PLAUR: variants seen among roughly 807,000 people sequenced by gnomAD.
PLAUR encodes the protein urokinase plasminogen activator surface receptor.
Under a neutral mutation model 33.4 loss-of-function variants are expected in PLAUR, and 22 were observed. The ratio of observed to expected loss-of-function variants is 0.66; its 90% confidence interval spans 0.47 to 0.94. The LOEUF is 0.94. Ranked by LOEUF, PLAUR falls within the 40% of genes least tolerant of loss-of-function variation. The pLI, the probability that PLAUR is intolerant of heterozygous loss-of-function variation, is 0.00. For missense variants in PLAUR, 408 were observed against 434.7 expected (o/e 0.94, Z 0.55); for synonymous variants, 148 against 167.3 (o/e 0.88, Z 0.89).
intron 3 of PLAUR, 35 bp from the exon 4 acceptor site, chr19:43,656,675 T>G (rs759862817): frequency 6.5e-7 from 1 of 1,544,558 alleles, no homozygotes; most frequent in Non-Finnish European, 8.8e-7. Context: ...TGAGACTCCA[T>G]GGGGACAGTC....
Position 43,656,481 on chromosome 19 carries a change from T to C in PLAUR, c.470A>G (p.Glu157Gly), listed in dbSNP as rs1197291319. 1 of 1,585,854 alleles carries C rather than the reference T, an allele frequency of 6.3e-7. No homozygotes were observed. Among genetic ancestry groups the C allele is most frequent in the South Asian group, 1.1e-5 (1 of 88,176 alleles). Reference protein sequence around the residue: ...VVTHWIQEGEEGRPKDDRHLR... With the variant: ...VVTHWIQEGEGGRPKDDRHLR... ...GTTGCCAGCAGGTTGGGGCTCACCT[T>C]CTTCACCTTCCTGGATCCAGTGGGT... is the stretch of plus-strand genomic sequence containing the variant. Residue 157 changes from glutamate to glycine, a missense_variant and splice_region_variant, in exon 4 of 7, where the codon GAA (glutamate) becomes GGA (glycine). Transcript: ENST00000340093.
chr19:43,667,541 T>C, intron 2 of PLAUR, 40 bp downstream of exon 2: 1 of 1,381,890 alleles, frequency 7.2e-7, no homozygotes, highest in East Asian at 2.3e-5. Context: ...TCGCGTTCCA[T>C]GCTGCGCTGG....
chr19:43,649,315 G>T (rs1973894213), intron 6 of PLAUR, among the ~76,000 whole-genome samples, 172 bp from the exon 7 acceptor site: 1 of 152,068 alleles, frequency 6.6e-6, no homozygotes, highest in African/African-American at 2.4e-5. Flanking sequence ...AACACCTTGG[G>T]AAGCCAAGGA....
At position 43,648,950 on chromosome 19, in the gene PLAUR, G is replaced by T. The variant is rs1282842810; in HGVS notation, c.948C>A (p.Ser316Arg). ...CAGTCATTAGCAGGGTGATGGTGAG[G>T]CTGAGATGGGCAGGGCCAGGCTGAG... The part of the protein sequence containing the change: ...AAPQPGPAHL[S>R]LTITLLMTAR... The change falls in exon 7 of 7, where the codon AGC becomes AGA. Residue 316 changes from serine to arginine, a missense_variant. Ser to Arg is a moderately radical substitution (Grantham distance 110). Transcript: ENST00000340093. 6.2e-7 allele frequency: 1 copy of T among 1,614,154 alleles called. No individual in the cohort carries two copies. Among genetic ancestry groups the T allele is most frequent in the Admixed American group, 1.7e-5 (1 of 60,026 alleles).
intron 1 of PLAUR, among the ~76,000 whole-genome samples, chr19:43,668,744 G>T (rs542169432): frequency 2.1e-5 from 3 of 144,380 alleles, no homozygotes; most frequent in African/African-American, 7.8e-5. Context: ...CAAGAGTCTA[G>T]TCCCACCTTC....
chr19:43,657,132 C>T (rs1239124875), intron 3 of PLAUR, among the ~76,000 whole-genome samples: 1 of 151,956 alleles, frequency 6.6e-6, no homozygotes, highest in African/African-American at 2.4e-5. Flanking sequence ...TTAGTAGAGA[C>T]AGGGTTTCAC....
rs1356828878 is a variant in PLAUR at position 43,648,863 on chromosome 19, GC to G, written c.*26del. On this transcript the variant is annotated 3_prime_UTR_variant, in exon 7 of 7. Transcript: ENST00000340093. Reference sequence around the variant, plus strand: ...AGGGCAAAGGGGTCCCCCGGATCCAGCCAGGGCAGAGAGGGGGATTTCAGGT... The same window carrying G: ...AGGGCAAAGGGGTCCCCCGGATCCAGCAGGGCAGAGAGGGGGATTTCAGGT... 1.0e-5 allele frequency: 16 copies of G among 1,601,308 alleles called. No homozygotes were observed. The highest frequency in any genetic ancestry group is 1.4e-5 in the Non-Finnish European group (16 of 1,171,042).
intron 3 of PLAUR, among the ~76,000 whole-genome samples, chr19:43,658,642 C>G (rs1568558548): frequency 6.6e-6 from 1 of 152,142 alleles, no homozygotes; most frequent in Non-Finnish European, 1.5e-5. Flanking sequence ...TTGGCTCACA[C>G]CATTTCCCAT....
intron 3 of PLAUR, among the ~76,000 whole-genome samples, chr19:43,664,732 A>C (rs980535188): frequency 1.5e-4 from 23 of 152,162 alleles, no homozygotes; most frequent in Non-Finnish European, 2.6e-4. Context: ...TCCCTTAAGA[A>C]CGTCAAGTCT....
rs768969786 is a variant in PLAUR at position 43,670,082 on chromosome 19, GAGCAGCAGC to G, written c.30_38del (p.Leu11_Leu13del). On this transcript the variant is annotated inframe_deletion, in exon 1 of 7. Coordinates refer to ENST00000340093, the MANE Select transcript of PLAUR (RefSeq NM_002659.4). ...AGCCCCTACCTGGGACGCAGGTGTG[GAGCAGCAGC>G]AGCAGCGGCAGCAGCGGCGGGTGAC... The G allele has an allele frequency of 3.7e-6, 6 of 1,613,060 alleles. No individual in the cohort carries two copies. Among genetic ancestry groups the G allele is most frequent in the South Asian group, 2.2e-5 (2 of 91,040 alleles).
chr19:43,657,254 A>C (rs1000802063), intron 3 of PLAUR, among the ~76,000 whole-genome samples: 6 of 151,966 alleles, frequency 3.9e-5, no homozygotes, highest in African/African-American at 1.5e-4. Context: ...CCTTAGAAGG[A>C]TATTTCTAAT....
chr19:43,666,531 T>C (rs994393102), intron 2 of PLAUR, among the ~76,000 whole-genome samples: 1 of 139,114 alleles, frequency 7.2e-6, no homozygotes, highest in African/African-American at 2.6e-5. Context: ...CTCCCTCCCT[T>C]CCTCTCTCTC....
intron 5 of PLAUR, 97 bp from the exon 6 acceptor site, chr19:43,652,468 G>T: frequency 8.3e-7 from 1 of 1,200,862 alleles, no homozygotes; most frequent in Non-Finnish European, 1.2e-6. Context: ...CCGAGCCAGA[G>T]ATGTCATGGA....
Position 43,667,639 on chromosome 19 carries a change from C to T in PLAUR, c.108G>A (p.Val36=), listed in dbSNP as rs1158515199. Residue 36 remains valine (V), a synonymous_variant, in exon 2 of 7, where the codon GTG becomes GTA. Coordinates refer to ENST00000340093, the MANE Select transcript of PLAUR (RefSeq NM_002659.4). ...MQCKTNGDCR[V]EECALGQDLC... is the part of the protein sequence containing the mutation. ...GGTCCTGTCCCAGGGCGCACTCTTC[C>T]ACACGGCAATCCCCGTTGGTCTTAC... 1 of 1,614,048 alleles carries T rather than the reference C, an allele frequency of 6.2e-7. No homozygotes were observed. The highest frequency in any genetic ancestry group is 8.5e-7 in the Non-Finnish European group (1 of 1,180,024).
intron 3 of PLAUR, among the ~76,000 whole-genome samples, chr19:43,661,831 C>T (rs971992284): frequency 6.6e-6 from 1 of 152,110 alleles, no homozygotes; most frequent in African/African-American, 2.4e-5. Flanking sequence ...TTGCAGGTCC[C>T]CTCCCACATC....
In PLAUR at chr19:43,648,924, G is replaced by A. The variant is rs1600109328; in HGVS notation, c.974C>T (p.Ala325Val). ...GAGGAGAGTGCCTCCCCACAGTCTG[G>A]CAGTCATTAGCAGGGTGATGGTGAG... ...LSLTITLLMT[A>V]RLWGGTLLWT The change falls in exon 7 of 7, where the codon GCC becomes GTC. Residue 325 changes from alanine (A) to valine (V), a missense_variant. Coordinates refer to ENST00000340093, the MANE Select transcript of PLAUR (RefSeq NM_002659.4). The A allele has an allele frequency of 6.2e-7, 1 of 1,614,126 alleles. No homozygotes were observed.
chr19:43,668,209 C>A, intron 1 of PLAUR: 1 of 987,328 alleles, frequency 1.0e-6, no homozygotes, highest in Non-Finnish European at 1.2e-6. Context: ...CCTCTCCCGG[C>A]CCACTAATTT....
chr19:43,657,447 A>G (rs903647060), intron 3 of PLAUR, among the ~76,000 whole-genome samples: 1 of 152,044 alleles, frequency 6.6e-6, no homozygotes, highest in Non-Finnish European at 1.5e-5. Flanking sequence ...CTGACTTCCC[A>G]CAGTCTGCGA....
At chr19:43,651,437 G>GTT (rs34622358) in intron 6 of PLAUR, among the ~76,000 whole-genome samples, 50 of 137,982 alleles carry the variant, frequency 3.6e-4, no homozygotes, top group Non-Finnish European at 4.7e-4. Context: ...ACAATAAAGA[G>GTT]TTTTTTTTTT....
Sources: allele counts gnomAD v4.1 joint callset (sites outside exome capture counted in the v4.1 genomes callset), GRCh38; gene constraint gnomAD v4.1.1; transcripts MANE v1.5; gene names NCBI Gene and HGNC (gene_info 2026-07-23, HGNC 2026-07-21).